The following FAM118A variants were observed in gnomAD, a reference collection of about 807,000 sequenced individuals.
FAM118A encodes the protein protein FAM118A.
In FAM118A, 25 loss-of-function variants were observed where a neutral mutation model predicts 38.2. The observed-to-expected ratio is 0.65, with a 90% CI of 0.48 to 0.91. The LOEUF (loss-of-function observed/expected upper bound fraction) is 0.91, where lower values mean the gene tolerates loss of function less well. FAM118A is among the 40% of genes least tolerant of loss of function. The probability of loss-of-function intolerance (pLI) is 0.00; values close to 1 mark genes in which losing one functional copy is unlikely to be tolerated. For synonymous variants in FAM118A, 178 were observed against 184.1 expected (o/e 0.97, Z 0.27); for missense variants, 425 against 463.3 (o/e 0.92, Z 0.76).
At chr22:45,322,461 A>G (rs1350700611) in intron 2 of FAM118A, 35 bp downstream of exon 2, 13 of 1,565,720 alleles carry the variant, frequency 8.3e-6, no homozygotes, top group Non-Finnish European at 8.7e-6. Context: ...AAGCAGCTTC[A>G]TTGACTTCAT....
In FAM118A at chr22:45,340,116, A is replaced by G. The variant is rs116057081; in HGVS notation, c.1055-270A>G. On this transcript the variant is annotated intron_variant, in intron 8 of 8. Transcript: ENST00000441876. ...GAAATTGCCCCATCCTCAGTCCACT[A>G]AGAAATAAAAGAGCATCCATGTTCA... is the stretch of plus-strand genomic sequence containing the variant. Among the ~76,000 whole-genome samples the G allele has an allele frequency of 4.9e-3, 742 of 152,320 alleles. 2 individuals are homozygous for G. Among genetic ancestry groups the G allele is most frequent in the African/African-American group, 0.017 (713 of 41,562 alleles).
intron 5 of FAM118A, among the ~76,000 whole-genome samples, chr22:45,332,180 C>G (rs2085766020): frequency 6.6e-6 from 1 of 152,208 alleles, no homozygotes; most frequent in African/African-American, 2.4e-5. Context: ...ACCAGCTACC[C>G]TGGCTTAGCT....
At chr22:45,322,128 T>G in intron 1 of FAM118A, 2 of 1,399,658 alleles carry the variant, frequency 1.4e-6, no homozygotes, top group Non-Finnish European at 1.9e-6. Context: ...GTTTTCCTTC[T>G]GTGCTGTCCC....
At chr22:45,322,543 G>T in intron 2 of FAM118A, 117 bp downstream of exon 2, 1 of 901,356 alleles carries the variant, frequency 1.1e-6, no homozygotes, top group South Asian at 1.6e-5. Flanking sequence ...GGAAACACTG[G>T]GGCATGAGAG....
intron 1 of FAM118A, among the ~76,000 whole-genome samples, chr22:45,314,359 AAAACT>A (rs67085454): frequency 0.43 from 64,573 of 151,812 alleles, 17,013 homozygotes; most frequent in Non-Finnish European, 0.6. Flanking sequence ...GAAACTGTAG[AAAACT>A]AAACTGTGCC....
At position 45,335,399 on chromosome 22, in the gene FAM118A, T is replaced by G; in HGVS notation, c.970+17T>G. The stretch of plus-strand genomic sequence containing the variant: ...CATTATTGGGTAAAGCAGATCTTTC[T>G]TCTTGCCAGCCTGTTTTTTGCCTAC... On this transcript the variant is annotated intron_variant, in intron 7 of 8. Coordinates refer to ENST00000441876, the MANE Select transcript of FAM118A (RefSeq NM_017911.4). 1 of 1,614,182 alleles carries G rather than the reference T, an allele frequency of 6.2e-7. No individual in the cohort carries two copies. Among genetic ancestry groups the G allele is most frequent in the Non-Finnish European group, 8.5e-7 (1 of 1,179,984 alleles).
intron 6 of FAM118A, 57 bp downstream of exon 6, chr22:45,332,767 A>G: frequency 6.9e-7 from 1 of 1,443,566 alleles, no homozygotes; most frequent in Admixed American, 2.3e-5. Context: ...TTTTTTTGAG[A>G]CGGAGTTTTG....
intron 5 of FAM118A, among the ~76,000 whole-genome samples, chr22:45,331,667 C>A (rs961361707): frequency 6.6e-6 from 1 of 152,216 alleles, no homozygotes; most frequent in African/African-American, 2.4e-5. Context: ...CAGTGCTCAT[C>A]CCTGGGCCGG....
In FAM118A at chr22:45,327,755, C is replaced by T; in HGVS notation, c.301-87C>T. On this transcript the variant is annotated intron_variant, in intron 3 of 8. Coordinates refer to ENST00000441876, the MANE Select transcript of FAM118A (RefSeq NM_017911.4). ...TTTTCTTTGTTTTCAGCCGCTGTAT[C>T]TCTGGCACCCAGAAAATGGCCTGCT... 9 of 1,362,704 alleles carry T rather than the reference C, an allele frequency of 6.6e-6. 1 individual carries two copies. The South Asian group carries it at 7.3e-5, about 11-fold the overall frequency. 84.4% of individuals were successfully genotyped at this position (1,362,704 alleles called of 1,614,324 possible). A position where few individuals can be genotyped will look rare whatever the true frequency, so the allele number is the denominator to read the frequency against.
At chr22:45,332,321 T>C in intron 5 of FAM118A, 104 bp from the exon 6 acceptor site, 23 of 1,259,034 alleles carry the variant, frequency 1.8e-5, no homozygotes, top group Non-Finnish European at 2.4e-5. Flanking sequence ...TGGGAACGCC[T>C]GTCAGGGAGC....
chr22:45,330,556 A>T, intron 4 of FAM118A, 47 bp from the exon 5 acceptor site: 1 of 1,474,272 alleles, frequency 6.8e-7, no homozygotes, highest in Non-Finnish European at 9.0e-7. Context: ...TCTCTGTTTG[A>T]AACAGTTTGA....
chr22:45,331,662 C>G (rs1015238845), intron 5 of FAM118A, among the ~76,000 whole-genome samples: 1 of 152,212 alleles, frequency 6.6e-6, no homozygotes, highest in Non-Finnish European at 1.5e-5. Context: ...TTCCTCAGTG[C>G]TCATCCCTGG....
At chr22:45,322,345 C>T (rs1456879802) in intron 1 of FAM118A, 26 bp from the exon 2 acceptor site, 10 of 1,600,026 alleles carry the variant, frequency 6.2e-6, no homozygotes, top group Non-Finnish European at 8.5e-6. Context: ...AGACAGAAGT[C>T]ACTTCTGACT....
intron 3 of FAM118A, among the ~76,000 whole-genome samples, chr22:45,325,441 T>C (rs1377387572): frequency 6.6e-6 from 1 of 151,976 alleles, no homozygotes; most frequent in Non-Finnish European, 1.5e-5. Context: ...GTTGTAGTGA[T>C]CCATTGTAGA....
chr22:45,335,886 G>T (rs772633348), intron 7 of FAM118A, among the ~76,000 whole-genome samples: 3 of 152,190 alleles, frequency 2.0e-5, no homozygotes, highest in Non-Finnish European at 2.9e-5. Context: ...CTGTGTGTGC[G>T]CTGGGCACCA....
intron 1 of FAM118A, chr22:45,321,698 C>T (rs1170533321): frequency 2.6e-5 from 4 of 154,674 alleles, no homozygotes; most frequent in African/African-American, 9.6e-5. Flanking sequence ...CAAGCATGAG[C>T]CACCATGCCT....
intron 1 of FAM118A, among the ~76,000 whole-genome samples, chr22:45,313,098 A>G (rs1258525241): frequency 1.3e-5 from 2 of 152,156 alleles, no homozygotes; most frequent in African/African-American, 4.8e-5. Context: ...GCTCATTAGC[A>G]TACAAAATGA....
At chr22:45,335,683 T>A (rs2086034038) in intron 7 of FAM118A, among the ~76,000 whole-genome samples, 1 of 152,218 alleles carries the variant, frequency 6.6e-6, no homozygotes, top group Non-Finnish European at 1.5e-5. Flanking sequence ...GTTCTATTTG[T>A]GTGATACCAT....
rs1230888608 is a variant in FAM118A, at chr22:45,337,735, T to A, written c.1054+1324T>A. The A allele has an allele frequency of 6.1e-6, 4 of 654,616 alleles. No homozygotes were observed. In the African/African-American group the frequency reaches 7.9e-5, roughly 13 times the overall value. 40.6% of individuals were successfully genotyped at this position (654,616 alleles called of 1,614,324 possible). ...TCTCTCTGAGATGGAGGCCTAGGTCTCCCTTGCTCTGGCCCCCCATCCATC... is the reference window on the plus strand; with the variant it reads ...TCTCTCTGAGATGGAGGCCTAGGTCACCCTTGCTCTGGCCCCCCATCCATC... On this transcript the variant is annotated intron_variant, in intron 8 of 8. Coordinates refer to ENST00000441876, the MANE Select transcript of FAM118A (RefSeq NM_017911.4).
Sources: gnomAD v4.1 joint callset for allele counts (sites outside exome capture counted in the v4.1 genomes callset) on GRCh38, gnomAD v4.1.1 for gene constraint, MANE v1.5 for transcripts, NCBI Gene and HGNC (gene_info 2026-07-23, HGNC 2026-07-21) for gene names.